The following AKNAD1 variants were observed in gnomAD, a reference collection of about 807,000 sequenced individuals.
The protein encoded by AKNAD1 is AKNA domain containing 1, also known as protein AKNAD1.
AKNAD1 carries 67 observed loss-of-function variants against 90.8 expected under a neutral mutation model. The observed-to-expected ratio is 0.74, with a 90% CI of 0.61 to 0.90. The LOEUF is 0.90. AKNAD1 is among the 40% of genes least tolerant of loss of function. AKNAD1 has a pLI of 0.00. For synonymous variants in AKNAD1, 327 were observed against 341.4 expected, an observed-to-expected ratio of 0.96 and a Z score of 0.46; for missense variants, 957 against 975.4, an observed-to-expected ratio of 0.98 and a Z score of 0.25.
At chr1:108,816,847 T>C in intron 15 of AKNAD1, 1 of 533,558 alleles carries the variant, frequency 1.9e-6, no homozygotes, top group Non-Finnish European at 3.1e-6. Context: ...GAAATTTCCC[T>C]TGGAACCAAT....
intron 13 of AKNAD1, 195 bp downstream of exon 13, chr1:108,823,175 A>G: frequency 1.4e-6 from 1 of 720,244 alleles, no homozygotes; most frequent in Non-Finnish European, 2.6e-6. Context: ...CATATTTTCC[A>G]GCCCCAGCTC....
chr1:108,816,700 G>T (rs1210013536), intron 15 of AKNAD1, among the ~76,000 whole-genome samples: 1 of 152,104 alleles, frequency 6.6e-6, no homozygotes, highest in Non-Finnish European at 1.5e-5. Context: ...AGTGGCCTGG[G>T]GATTCGAGTT....
At position 108,818,222 on chromosome 1, in the gene AKNAD1, G is replaced by A. The variant is rs553235895; in HGVS notation, c.2250-1045C>T. Among the ~76,000 whole-genome samples the A allele has an allele frequency of 5.3e-5, 8 of 152,290 alleles. No homozygotes were observed. The East Asian group carries it at 5.8e-4, about 11-fold the overall frequency. On this transcript the variant is annotated intron_variant, in intron 14 of 15. Coordinates refer to ENST00000370001, the MANE Select transcript of AKNAD1 (RefSeq NM_152763.5). ...TAGAGCCACCCTCACAGCTTCCTCCGGCTTCAGGTTTCCTCTGTTAAGCAT... is the reference window on the plus strand; with the variant it reads ...TAGAGCCACCCTCACAGCTTCCTCCAGCTTCAGGTTTCCTCTGTTAAGCAT...
chr1:108,817,612 G>C (rs975187927), intron 14 of AKNAD1, among the ~76,000 whole-genome samples: 8 of 142,990 alleles, frequency 5.6e-5, no homozygotes, highest in Admixed American at 3.0e-4. Context: ...CGCCATTCTC[G>C]TGCCTCAGCC....
intron 1 of AKNAD1, among the ~76,000 whole-genome samples, chr1:108,855,654 T>A (rs1024371325): frequency 2.7e-5 from 4 of 145,536 alleles, no homozygotes; most frequent in Non-Finnish European, 6.1e-5. Flanking sequence ...GGCATGGTGG[T>A]GCATCCCTAT....
rs560280206 is a variant in AKNAD1 at position 108,835,154 on chromosome 1, A to G, written c.1537-98T>C. On this transcript the variant is annotated intron_variant, in intron 7 of 15. Coordinates refer to ENST00000370001, the MANE Select transcript of AKNAD1 (RefSeq NM_152763.5). ...ATCCCTACAGCACCCCTAAGGCACC[A>G]TAACATCCTGCCTGGCGTCCCCCCA... The G allele has an allele frequency of 6.5e-6, 9 of 1,393,428 alleles. No individual in the cohort carries two copies. The East Asian group carries it at 1.4e-4, about 22-fold the overall frequency. The allele number at this position is 1,393,428 out of a possible 1,614,324, so 86.3% of individuals were successfully genotyped here.
Position 108,846,334 on chromosome 1 carries a change from C to T in AKNAD1, c.1245+2418G>A, listed in dbSNP as rs909854217. On this transcript the variant is annotated intron_variant, in intron 5 of 15. Coordinates refer to ENST00000370001, the MANE Select transcript of AKNAD1 (RefSeq NM_152763.5). Reference sequence around the variant, plus strand: ...GATAACATCAGGAAGAAACCTCCCGCATCCAGGCTTCCGAAGGCTCCTGAC... The same window carrying T: ...GATAACATCAGGAAGAAACCTCCCGTATCCAGGCTTCCGAAGGCTCCTGAC... Among the ~76,000 whole-genome samples, 3 of 152,194 alleles carry T rather than the reference C, an allele frequency of 2.0e-5. No individual in the cohort carries two copies. The East Asian group carries it at 5.8e-4, about 29-fold the overall frequency.
chr1:108,853,320 A>C lies in AKNAD1; in HGVS notation c.-103-553T>G, dbSNP rs533978220. ...CTAATTTTTTGTATTTTTAGTAGAG[A>C]TGGGGTTTCACCATATTAGCCAGGA... is the stretch of plus-strand genomic sequence containing the variant. On this transcript the variant is annotated intron_variant, in intron 1 of 15. Transcript: ENST00000370001. 1.6e-4 allele frequency among the ~76,000 whole-genome samples: 24 copies of C among 151,860 alleles called. No individual in the cohort carries two copies. In the South Asian group the frequency reaches 1.7e-3, roughly 11 times the overall value.
Position 108,837,569 on chromosome 1 carries a change from A to C in AKNAD1, c.1517T>G (p.Phe506Cys), listed in dbSNP as rs370267672. The change falls in exon 7 of 16, where the codon TTC (phenylalanine) becomes TGC (cysteine). Residue 506 changes from phenylalanine (F) to cysteine (C), a missense_variant. Coordinates refer to ENST00000370001, the MANE Select transcript of AKNAD1 (RefSeq NM_152763.5). ...PVTLDDLAST[F>C]SSLSNEIPKE... ...TATTACCTCATTTGAGAGTGAAGAG[A>C]AGGTGGAGGCCAAGTCATCCAGGGT... is the stretch of plus-strand genomic sequence containing the variant. 1.3e-4 allele frequency: 203 copies of C among 1,613,984 alleles called. 1 individual carries two copies. Among genetic ancestry groups the C allele is most frequent in the Non-Finnish European group, 1.6e-4 (186 of 1,179,994 alleles).
chr1:108,817,340 C>T, intron 14 of AKNAD1, 163 bp from the exon 15 acceptor site: 1 of 770,150 alleles, frequency 1.3e-6, no homozygotes, highest in South Asian at 2.5e-5. Context: ...TGGCTGACCG[C>T]AGCTGGGCTT....
Position 108,823,647 on chromosome 1 carries a change from C to T in AKNAD1, c.1978G>A (p.Glu660Lys). ...TCCTGACATTTGTTACTCTGCATTTCAGTGCCAGAATCAGAACAGAAGCTG... is the reference window on the plus strand; with the variant it reads ...TCCTGACATTTGTTACTCTGCATTTTAGTGCCAGAATCAGAACAGAAGCTG... ...GHSFCSDSGTEMQSNKCQDCG... is the reference protein window; with the variant it reads ...GHSFCSDSGTKMQSNKCQDCG... Residue 660 changes from glutamate to lysine, a missense_variant, in exon 12 of 16, where the codon GAA (glutamate) becomes AAA (lysine). By Grantham distance (56) the Glu-to-Lys change is moderately conservative. Transcript: ENST00000370001. The T allele has an allele frequency of 1.9e-6, 3 of 1,614,108 alleles. No individual in the cohort carries two copies. Among genetic ancestry groups the T allele is most frequent in the South Asian group, 1.1e-5 (1 of 91,066 alleles).
chr1:108,817,186 C>T lies in AKNAD1; in HGVS notation c.2250-9G>A. The T allele has an allele frequency of 6.2e-7, 1 of 1,613,760 alleles. No homozygotes were observed. The highest frequency in any genetic ancestry group is 8.5e-7 in the Non-Finnish European group (1 of 1,179,858). On this transcript the variant is annotated splice_polypyrimidine_tract_variant and intron_variant, in intron 14 of 15. Transcript: ENST00000370001. ...AAGCCTGAAGTTTTTTTCTGGAAGACAAAAGCACATTGATACTTGTGTCAA... is the reference window on the plus strand; with the variant it reads ...AAGCCTGAAGTTTTTTTCTGGAAGATAAAAGCACATTGATACTTGTGTCAA...
chr1:108,825,847 A>T (rs1270913084), intron 11 of AKNAD1, among the ~76,000 whole-genome samples: 1 of 151,844 alleles, frequency 6.6e-6, no homozygotes, highest in Non-Finnish European at 1.5e-5. Context: ...ATATTAACAA[A>T]ATAGCAGTTT....
intron 5 of AKNAD1, among the ~76,000 whole-genome samples, chr1:108,845,986 T>A (rs949490464): frequency 6.6e-6 from 1 of 152,202 alleles, no homozygotes; most frequent in African/African-American, 2.4e-5. Flanking sequence ...TCTTGGAATT[T>A]AAATTGCATT....
intron 11 of AKNAD1, among the ~76,000 whole-genome samples, chr1:108,826,713 T>A (rs2101169563): frequency 6.7e-6 from 1 of 150,066 alleles, no homozygotes; most frequent in East Asian, 2.0e-4. Context: ...TTATTGAAAG[T>A]GATTCTTTTT....
At position 108,849,018 on chromosome 1, in the gene AKNAD1, G is replaced by A. The variant is rs751328444; in HGVS notation, c.1076C>T (p.Ser359Phe). Residue 359 changes from serine to phenylalanine, a missense_variant, in exon 4 of 16, where the codon TCT becomes TTT. Transcript: ENST00000370001. ...AGAACTTGAGGAAGTGCCTTTCTGA[G>A]AGGTTGGTGACAACTTAGAGAGACT... ...EASLSKLSPT[S>F]QKGTSSSSSY... 1.2e-6 allele frequency: 2 copies of A among 1,610,464 alleles called. No individual in the cohort carries two copies. The highest frequency in any genetic ancestry group is 1.3e-5 in the African/African-American group (1 of 74,754).
intron 5 of AKNAD1, 96 bp downstream of exon 5, chr1:108,848,656 A>G: frequency 1.8e-6 from 2 of 1,106,496 alleles, no homozygotes; most frequent in Non-Finnish European, 2.6e-6. Flanking sequence ...TTCCACTCCC[A>G]CCACTGTAGA....
chr1:108,846,884 C>T (rs745666320), intron 5 of AKNAD1, among the ~76,000 whole-genome samples: 2 of 152,084 alleles, frequency 1.3e-5, no homozygotes, highest in Non-Finnish European at 2.9e-5. Context: ...TTGCCTTCCA[C>T]ACCCATTCTA....
chr1:108,834,908 G>A (rs1664332190), intron 8 of AKNAD1, 21 bp downstream of exon 8: 1 of 1,513,752 alleles, frequency 6.6e-7, no homozygotes. Context: ...TGTCTGCTGG[G>A]GCTCCAGGGC....
Sources: gnomAD v4.1 joint callset for allele counts (sites outside exome capture counted in the v4.1 genomes callset) on GRCh38, gnomAD v4.1.1 for gene constraint, MANE v1.5 for transcripts, NCBI Gene and HGNC (gene_info 2026-07-23, HGNC 2026-07-21) for gene names.